The following MARCHF8 variants were observed in gnomAD, a reference collection of about 807,000 sequenced individuals.
MARCHF8 encodes the protein membrane associated ring-CH-type finger 8, also known as E3 ubiquitin-protein ligase MARCHF8.
MARCHF8 carries 40 observed loss-of-function variants against 51.6 expected under a neutral mutation model. That is an observed-to-expected ratio of 0.77 (90% confidence interval 0.60 to 1.01). MARCHF8 has a LOEUF of 1.01. MARCHF8 is among the 50% of genes least tolerant of loss of function. The pLI, the probability that MARCHF8 is intolerant of heterozygous loss-of-function variation, is 0.00. For synonymous variants in MARCHF8, 263 were observed against 280.3 expected (o/e 0.94, Z 0.62); for missense variants, 685 against 708.6 (o/e 0.97, Z 0.38).
Position 45,456,426 on chromosome 10 carries a change from G to C in MARCHF8, c.*1813C>G, listed in dbSNP as rs1019686164. On this transcript the variant is annotated 3_prime_UTR_variant, in exon 8 of 8. Transcript: ENST00000453424. ...ACAGACTAAGACCTGTGTTGCCAAG[G>C]AATCAGACACTGGCTTGGAGGAGAC... The C allele has an allele frequency of 2.0e-5, 3 of 152,320 alleles. No homozygotes were observed. The allele number at this position is 152,320 out of a possible 1,614,324, so 9.4% of individuals were successfully genotyped here. A position where few individuals can be genotyped will look rare whatever the true frequency, so the allele number is the denominator to read the frequency against.
intron 1 of MARCHF8, among the ~76,000 whole-genome samples, chr10:45,588,998 CAAAAAAAAAAAA>C (rs72350925): frequency 0.083 from 7,286 of 87,946 alleles, 296 homozygotes; most frequent in Middle Eastern, 0.1. Flanking sequence ...GACTACGTTT[CAAAAAAAAAAAA>C]AAAAAAAAAA....
At chr10:45,558,727 T>C (rs898593101) in intron 1 of MARCHF8, among the ~76,000 whole-genome samples, 1 of 152,204 alleles carries the variant, frequency 6.6e-6, no homozygotes, top group African/African-American at 2.4e-5. Context: ...TATGTGTATG[T>C]ATGTATAACA....
intron 3 of MARCHF8, among the ~76,000 whole-genome samples, chr10:45,474,897 C>G (rs762483444): frequency 3.3e-5 from 5 of 152,200 alleles, no homozygotes; most frequent in Non-Finnish European, 7.3e-5. Flanking sequence ...TAGACCCTCA[C>G]AGGCCTTGAG....
chr10:45,561,151 A>G (rs2044305883), intron 1 of MARCHF8, among the ~76,000 whole-genome samples: 1 of 152,208 alleles, frequency 6.6e-6, no homozygotes, highest in Non-Finnish European at 1.5e-5. Context: ...ATCTGGAAAA[A>G]TAAGCTCACA....
intron 2 of MARCHF8, among the ~76,000 whole-genome samples, chr10:45,521,060 A>AT: frequency 6.6e-6 from 1 of 151,970 alleles, no homozygotes; most frequent in East Asian, 1.9e-4. Context: ...ATTACGTTAC[A>AT]TTTTTTAGAA....
chr10:45,590,123 T>C (rs1227469672), intron 1 of MARCHF8, among the ~76,000 whole-genome samples: 1 of 152,234 alleles, frequency 6.6e-6, no homozygotes, highest in Non-Finnish European at 1.5e-5. Context: ...GATGGTCACT[T>C]AGACAGTCAC....
rs190404135 is a variant in MARCHF8 at position 45,527,149 on chromosome 10, A to C, written c.102+5961T>G. The stretch of plus-strand genomic sequence containing the variant: ...TTGACTGTAAATGGATTCAAGAAAG[A>C]AAAGTTTATAGCGTTAAATGCCTAA... On this transcript the variant is annotated intron_variant, in intron 2 of 7. Transcript: ENST00000453424. Among the ~76,000 whole-genome samples, 20 of 152,296 alleles carry C rather than the reference A, an allele frequency of 1.3e-4. No individual in the cohort carries two copies. In the East Asian group the frequency reaches 2.5e-3, roughly 19 times the overall value.
intron 2 of MARCHF8, among the ~76,000 whole-genome samples, chr10:45,504,896 T>C (rs1183380357): frequency 3.3e-5 from 5 of 152,214 alleles, no homozygotes; most frequent in Admixed American, 1.3e-4. Context: ...TAGGGGCTTA[T>C]ACTGAGTGGC....
upstream of MARCHF8, among the ~76,000 whole-genome samples, chr10:45,537,031 A>G (rs1224393217): frequency 6.6e-6 from 1 of 152,106 alleles, no homozygotes; most frequent in Admixed American, 6.6e-5. Context: ...AAACCCTCAT[A>G]TACTGCTAGT....
chr10:45,492,000 T>G (rs1304034235), intron 2 of MARCHF8, among the ~76,000 whole-genome samples: 1 of 152,226 alleles, frequency 6.6e-6, no homozygotes, highest in African/African-American at 2.4e-5. Context: ...ACCTGCTAAC[T>G]TAACATTATA....
intron 1 of MARCHF8, among the ~76,000 whole-genome samples, chr10:45,586,692 A>G (rs1478795584): frequency 6.6e-6 from 1 of 151,980 alleles, no homozygotes; most frequent in Non-Finnish European, 1.5e-5. Context: ...GTTGCTCATA[A>G]TTTCCTTTAA....
intron 2 of MARCHF8, among the ~76,000 whole-genome samples, chr10:45,530,606 C>T (rs557425658): frequency 6.6e-6 from 1 of 151,812 alleles, no homozygotes. Flanking sequence ...ATAGCAAGAC[C>T]CCGACTCTAC....
chr10:45,555,011 G>A lies in MARCHF8; in HGVS notation c.-78-21722C>T, dbSNP rs144972605. 2.5e-3 allele frequency among the ~76,000 whole-genome samples: 382 copies of A among 152,030 alleles called. 3 individuals are homozygous for A. The highest frequency in any genetic ancestry group is 3.9e-3 in the Non-Finnish European group (268 of 67,964). ...AGAGGCTGAAGTGAGCTGAGATTGC[G>A]CCACTGCATTCCAGCCTGGGCGACA... On this transcript the variant is annotated intron_variant, in intron 1 of 6. Coordinates refer to the MARCHF8 transcript ENST00000319836.
chr10:45,498,583 C>T lies in MARCHF8; in HGVS notation c.103-9166G>A, dbSNP rs2043219170. The stretch of plus-strand genomic sequence containing the variant: ...CTCTACCTCCTGGGTTCAAGCAATT[C>T]TCCTGACTCAGCCTCCCAAGTAGCT... On this transcript the variant is annotated intron_variant, in intron 2 of 7. Coordinates refer to ENST00000453424, the MANE Select transcript of MARCHF8 (RefSeq NM_001282866.2). Among the ~76,000 whole-genome samples, 3 of 151,978 alleles carry T rather than the reference C, an allele frequency of 2.0e-5. No homozygotes were observed. In the South Asian group the frequency reaches 6.2e-4, roughly 31 times the overall value.
chr10:45,458,228 C>A lies in MARCHF8; in HGVS notation c.*11G>T. On this transcript the variant is annotated 3_prime_UTR_variant, in exon 8 of 8. Coordinates refer to ENST00000453424, the MANE Select transcript of MARCHF8 (RefSeq NM_001282866.2). ...TCATGGATGTCCAGGAAAATGACAACCCGCACACAATCAGACGTGAATGAT... is the reference window on the plus strand; with the variant it reads ...TCATGGATGTCCAGGAAAATGACAAACCGCACACAATCAGACGTGAATGAT... The A allele has an allele frequency of 6.3e-7, 1 of 1,596,406 alleles. No homozygotes were observed. The highest frequency in any genetic ancestry group is 8.5e-7 in the Non-Finnish European group (1 of 1,171,580).
chr10:45,538,586 G>C (rs1227868239), upstream of MARCHF8, among the ~76,000 whole-genome samples: 1 of 152,132 alleles, frequency 6.6e-6, no homozygotes, highest in African/African-American at 2.4e-5. Context: ...CACGTGTAGA[G>C]ACACACATAG....
At chr10:45,554,666 T>A (rs1481708344) in intron 1 of MARCHF8, among the ~76,000 whole-genome samples, 1 of 152,200 alleles carries the variant, frequency 6.6e-6, no homozygotes, top group Non-Finnish European at 1.5e-5. Flanking sequence ...ATGCCTGTAA[T>A]CTTAGCTCTT....
intron 1 of MARCHF8, among the ~76,000 whole-genome samples, chr10:45,569,360 T>A (rs1432340850): frequency 6.6e-6 from 1 of 152,226 alleles, no homozygotes; most frequent in Non-Finnish European, 1.5e-5. Flanking sequence ...GAAATGATTA[T>A]ATGGTTTTTA....
At chr10:45,541,786 A>G (rs912218648) in intron 1 of MARCHF8, among the ~76,000 whole-genome samples, 3 of 152,190 alleles carry the variant, frequency 2.0e-5, no homozygotes, top group African/African-American at 7.2e-5. Flanking sequence ...GGAAGTCAAC[A>G]GATAATAGCT....
Sources: gnomAD v4.1 joint callset for allele counts (sites outside exome capture counted in the v4.1 genomes callset) on GRCh38, gnomAD v4.1.1 for gene constraint, MANE v1.5 for transcripts, NCBI Gene and HGNC (gene_info 2026-07-23, HGNC 2026-07-21) for gene names.